The following PDZRN4 variants were observed in gnomAD, a reference collection of about 807,000 sequenced individuals.
The protein encoded by PDZRN4 is PDZ domain containing ring finger 4.
In PDZRN4, 70 loss-of-function variants were observed where a neutral mutation model predicts 99.0. That is an observed-to-expected ratio of 0.71 (90% confidence interval 0.58 to 0.86). The LOEUF (loss-of-function observed/expected upper bound fraction) is 0.86, where lower values mean the gene tolerates loss of function less well. Ranked by LOEUF, PDZRN4 falls within the 40% of genes least tolerant of loss-of-function variation. PDZRN4 has a pLI of 0.00. For synonymous variants in PDZRN4, 551 were observed against 501.6 expected, an observed-to-expected ratio of 1.10 and a Z score of -1.32; for missense variants, 1,474 against 1,331.2, an observed-to-expected ratio of 1.11 and a Z score of -1.67.
chr12:41,470,894 A>AC (rs1952983164), intron 3 of PDZRN4, among the ~76,000 whole-genome samples: 2 of 152,192 alleles, frequency 1.3e-5, no homozygotes, highest in African/African-American at 4.8e-5. Flanking sequence ...GCACAGCATG[A>AC]ACTTCTGGTA....
Position 41,434,296 on chromosome 12 carries a change from G to A in PDZRN4, c.844-72160G>A, listed in dbSNP as rs889967428. 3.3e-5 allele frequency among the ~76,000 whole-genome samples: 5 copies of A among 151,620 alleles called. No homozygotes were observed. The South Asian group carries it at 6.3e-4, about 19-fold the overall frequency. ...ATATGCTCCTCTGTTCTCTGCATTC[G>A]CTGACATTTGCTCACATTTGAAAAG... is the stretch of plus-strand genomic sequence containing the variant. On this transcript the variant is annotated intron_variant, in intron 3 of 9. Coordinates refer to ENST00000402685, the MANE Select transcript of PDZRN4 (RefSeq NM_001164595.2).
At chr12:41,338,360 A>G (rs1407534005) in intron 3 of PDZRN4, among the ~76,000 whole-genome samples, 1 of 152,120 alleles carries the variant, frequency 6.6e-6, no homozygotes, top group Non-Finnish European at 1.5e-5. Flanking sequence ...GCAATATATG[A>G]AGAATAGCAT....
At chr12:41,373,778 G>A (rs552848932) in intron 3 of PDZRN4, among the ~76,000 whole-genome samples, 150 of 152,244 alleles carry the variant, frequency 9.9e-4, no homozygotes, top group African/African-American at 2.9e-3. Context: ...GAAATCACAA[G>A]GGCATTGATT....
intron 3 of PDZRN4, among the ~76,000 whole-genome samples, chr12:41,428,312 C>T (rs2120429486): frequency 6.6e-6 from 1 of 152,216 alleles, no homozygotes; most frequent in Admixed American, 6.5e-5. Context: ...TGTGTTGACC[C>T]TGTTATTGTC....
intron 3 of PDZRN4, among the ~76,000 whole-genome samples, chr12:41,323,126 G>A (rs140605666): frequency 5.1e-4 from 77 of 152,146 alleles, no homozygotes; most frequent in African/African-American, 1.8e-3. Context: ...TCAAAATATT[G>A]CATTTCCTTT....
At chr12:41,241,448 G>A (rs568420890) in intron 3 of PDZRN4, among the ~76,000 whole-genome samples, 9 of 152,304 alleles carry the variant, frequency 5.9e-5, no homozygotes, top group Middle Eastern at 3.4e-3. Flanking sequence ...ATCCTTAAGC[G>A]AAAGAGCGTG....
intron 3 of PDZRN4, among the ~76,000 whole-genome samples, chr12:41,244,667 CTT>C (rs750126673): frequency 8.8e-6 from 1 of 112,998 alleles, no homozygotes; most frequent in Non-Finnish European, 1.7e-5. Flanking sequence ...ACACCAATGT[CTT>C]TTTTTTTTTT....
intron 3 of PDZRN4, among the ~76,000 whole-genome samples, chr12:41,428,815 A>G (rs1952561901): frequency 6.6e-6 from 1 of 152,168 alleles, no homozygotes; most frequent in African/African-American, 2.4e-5. Flanking sequence ...GACCTGGCTG[A>G]GAGAAGATGA....
chr12:41,198,726 A>G (rs1332508291), intron 3 of PDZRN4, among the ~76,000 whole-genome samples: 2 of 151,576 alleles, frequency 1.3e-5, no homozygotes, highest in Admixed American at 6.6e-5. Flanking sequence ...TAACCTGCAC[A>G]TTGTGCACAT....
intron 7 of PDZRN4, among the ~76,000 whole-genome samples, chr12:41,558,881 C>T (rs1376378052): frequency 6.6e-6 from 1 of 152,106 alleles, no homozygotes; most frequent in African/African-American, 2.4e-5. Flanking sequence ...AGACAAATAG[C>T]TCCCTTATGG....
chr12:41,528,515 T>C (rs1009956066), intron 5 of PDZRN4, among the ~76,000 whole-genome samples: 9 of 152,198 alleles, frequency 5.9e-5, no homozygotes, highest in Non-Finnish European at 1.5e-5. Flanking sequence ...GTCTGCCCAC[T>C]GTGTGGTCAT....
At chr12:41,562,495 A>G (rs1195272349) in intron 7 of PDZRN4, among the ~76,000 whole-genome samples, 4 of 152,174 alleles carry the variant, frequency 2.6e-5, no homozygotes, top group African/African-American at 4.8e-5. Flanking sequence ...TCAAGTAATT[A>G]ATACTATTTT....
chr12:41,284,372 T>C (rs1252116089), intron 3 of PDZRN4, among the ~76,000 whole-genome samples: 1 of 151,996 alleles, frequency 6.6e-6, no homozygotes, highest in Non-Finnish European at 1.5e-5. Flanking sequence ...CACAAGCAAA[T>C]AGAAAAACAT....
At chr12:41,473,686 T>C (rs1247234045) in intron 3 of PDZRN4, among the ~76,000 whole-genome samples, 4 of 152,170 alleles carry the variant, frequency 2.6e-5, no homozygotes, top group African/African-American at 9.6e-5. Flanking sequence ...GTGACCTGCT[T>C]ACTAAGCACC....
intron 3 of PDZRN4, among the ~76,000 whole-genome samples, chr12:41,263,447 G>A (rs951959270): frequency 1.3e-5 from 2 of 152,148 alleles, no homozygotes; most frequent in African/African-American, 4.8e-5. Context: ...AGCACTTTGG[G>A]TGGCCAAGGC....
intron 3 of PDZRN4, among the ~76,000 whole-genome samples, chr12:41,215,803 C>T (rs1420121111): frequency 6.6e-6 from 1 of 151,572 alleles, no homozygotes; most frequent in South Asian, 2.1e-4. Context: ...TGCTTTGAGT[C>T]TACCACTTGT....
chr12:41,205,180 G>T (rs1046471209), intron 3 of PDZRN4, among the ~76,000 whole-genome samples: 1 of 151,830 alleles, frequency 6.6e-6, no homozygotes, highest in African/African-American at 2.4e-5. Flanking sequence ...TAACATAAAT[G>T]ATTCTAAATT....
At chr12:41,373,728 A>C (rs768981391) in intron 3 of PDZRN4, among the ~76,000 whole-genome samples, 4 of 152,210 alleles carry the variant, frequency 2.6e-5, no homozygotes, top group Non-Finnish European at 4.4e-5. Context: ...CAGCTTATGA[A>C]GATGACGGGA....
intron 5 of PDZRN4, among the ~76,000 whole-genome samples, chr12:41,524,784 T>A (rs1938544819): frequency 6.6e-6 from 1 of 152,140 alleles, no homozygotes; most frequent in African/African-American, 2.4e-5. Flanking sequence ...TTTGGCTGCC[T>A]TTTGGCGAAT....
Sources: allele counts gnomAD v4.1 joint callset (sites outside exome capture counted in the v4.1 genomes callset), GRCh38; gene constraint gnomAD v4.1.1; transcripts MANE v1.5; gene names NCBI Gene and HGNC (gene_info 2026-07-23, HGNC 2026-07-21).